Variants in C1GALT1 observed in about 807,000 individuals in gnomAD.
C1GALT1 encodes the protein glycoprotein-N-acetylgalactosamine 3-beta-galactosyltransferase 1.
In C1GALT1, 11 loss-of-function variants were observed where a neutral mutation model predicts 31.0. The ratio of observed to expected loss-of-function variants is 0.36; its 90% confidence interval spans 0.22 to 0.59. The LOEUF is 0.59. C1GALT1 is among the 20% of genes least tolerant of loss of function. The pLI, the probability that C1GALT1 is intolerant of heterozygous loss-of-function variation, is 0.79. For missense variants in C1GALT1, 424 were observed against 425.2 expected (o/e 1.00, Z 0.03); for synonymous variants, 175 against 143.6 (o/e 1.22, Z -1.56).
chr7:7,244,339 A>T lies in C1GALT1; in HGVS notation c.*612A>T, dbSNP rs1292371189. The T allele has an allele frequency of 6.6e-5, 10 of 152,202 alleles. No homozygotes were observed. In the East Asian group the frequency reaches 1.9e-3, roughly 29 times the overall value. 9.4% of individuals were successfully genotyped at this position (152,202 alleles called of 1,614,324 possible). On this transcript the variant is annotated 3_prime_UTR_variant, in exon 4 of 4. Coordinates refer to ENST00000436587, the MANE Select transcript of C1GALT1 (RefSeq NM_020156.5). ...CCCTGAAGTGCATTAATAAAACCAC[A>T]CTTTAAAATTATCATGGGCCTTGAC...
intron 2 of C1GALT1, among the ~76,000 whole-genome samples, chr7:7,157,979 G>C (rs1780291809): frequency 6.6e-6 from 1 of 152,150 alleles, no homozygotes; most frequent in Non-Finnish European, 1.5e-5. Flanking sequence ...TTAATGTTCA[G>C]ATAACTTGCT....
intron 1 of C1GALT1, among the ~76,000 whole-genome samples, chr7:7,185,258 A>G (rs1388164773): frequency 6.6e-6 from 1 of 152,132 alleles, no homozygotes; most frequent in African/African-American, 2.4e-5. Context: ...TATTAGGGAG[A>G]TTCTGGAATG....
chr7:7,204,098 T>TG (rs201987112), intron 1 of C1GALT1, among the ~76,000 whole-genome samples: 1 of 48,430 alleles, frequency 2.1e-5, no homozygotes, highest in Non-Finnish European at 3.9e-5. Context: ...TCCTCTTCTG[T>TG]TTTTTTTTTT....
intron 1 of C1GALT1, among the ~76,000 whole-genome samples, chr7:7,224,974 G>A (rs1294612609): frequency 1.3e-5 from 2 of 152,088 alleles, no homozygotes; most frequent in African/African-American, 4.8e-5. Flanking sequence ...CCTCCCTCCA[G>A]TCTTAGGTAG....
chr7:7,225,853 T>C (rs566186740), intron 1 of C1GALT1, among the ~76,000 whole-genome samples: 2 of 152,172 alleles, frequency 1.3e-5, no homozygotes, highest in Non-Finnish European at 2.9e-5. Flanking sequence ...CATAACCTTT[T>C]AAGTATTCCA....
chr7:7,228,547 CTGAG>C (rs1184269079), intron 1 of C1GALT1, among the ~76,000 whole-genome samples: 1 of 151,964 alleles, frequency 6.6e-6, no homozygotes, highest in Non-Finnish European at 1.5e-5. Flanking sequence ...TGCCAAAAAT[CTGAG>C]TGAGCTTTGG....
At position 7,243,898 on chromosome 7, in the gene C1GALT1, G is replaced by A. The variant is rs1783741706; in HGVS notation, c.*171G>A. 2.0e-6 allele frequency: 1 copy of A among 503,560 alleles called. No homozygotes were observed. The highest frequency in any genetic ancestry group is 2.0e-5 in the African/African-American group (1 of 50,984). 31.2% of individuals were successfully genotyped at this position (503,560 alleles called of 1,614,324 possible). A position where few individuals can be genotyped will look rare whatever the true frequency, so the allele number is the denominator to read the frequency against. Reference sequence around the variant, plus strand: ...ACTGAAGCTTTAAATGAGCTGTGAAGTGTGTTAAAATGTGTTTTGATACAG... The same window carrying A: ...ACTGAAGCTTTAAATGAGCTGTGAAATGTGTTAAAATGTGTTTTGATACAG... On this transcript the variant is annotated 3_prime_UTR_variant, in exon 4 of 4. Coordinates refer to ENST00000436587, the MANE Select transcript of C1GALT1 (RefSeq NM_020156.5).
At chr7:7,175,787 G>C (rs1330061501) in intron 2 of C1GALT1, among the ~76,000 whole-genome samples, 1 of 151,914 alleles carries the variant, frequency 6.6e-6, no homozygotes, top group Non-Finnish European at 1.5e-5. Context: ...CATTCTGGCT[G>C]ACTTGGTTTC....
chr7:7,214,733 C>G (rs1473920809), intron 1 of C1GALT1, among the ~76,000 whole-genome samples: 1 of 152,196 alleles, frequency 6.6e-6, no homozygotes, highest in Non-Finnish European at 1.5e-5. Flanking sequence ...TGTCCTTGCC[C>G]ATCCCAGGGG....
chr7:7,201,411 CCTACTGGGAGGTGTCTCCCAGTTAGG>C (rs772808122), intron 1 of C1GALT1, among the ~76,000 whole-genome samples: 13 of 152,178 alleles, frequency 8.5e-5, no homozygotes, highest in Non-Finnish European at 1.6e-4. Context: ...CCAGTCGGCC[CCTACTGGGAGGTGTCTCCCAGTTAGG>C]CTACTGGGAG....
At chr7:7,161,601 C>G (rs1394098926) in intron 2 of C1GALT1, among the ~76,000 whole-genome samples, 1 of 152,048 alleles carries the variant, frequency 6.6e-6, no homozygotes, top group African/African-American at 2.4e-5. Context: ...ACCAGCACAA[C>G]CACTAGAAAA....
chr7:7,219,031 G>T (rs1244977133), intron 1 of C1GALT1, among the ~76,000 whole-genome samples: 2 of 151,886 alleles, frequency 1.3e-5, no homozygotes, highest in South Asian at 2.1e-4. Context: ...CAGAGACAGG[G>T]TTTCACCATG....
rs908276104 is a variant in C1GALT1 at position 7,247,717 on chromosome 7, G to A, written c.*3990G>A. The A allele has an allele frequency of 3.3e-5, 5 of 151,940 alleles. No individual in the cohort carries two copies. Among genetic ancestry groups the A allele is most frequent in the African/African-American group, 1.2e-4 (5 of 41,414 alleles). The allele number at this position is 151,940 out of a possible 1,614,324, so 9.4% of individuals were successfully genotyped here. A position where few individuals can be genotyped will look rare whatever the true frequency, so the allele number is the denominator to read the frequency against. On this transcript the variant is annotated 3_prime_UTR_variant, in exon 4 of 4. Transcript: ENST00000436587. The stretch of plus-strand genomic sequence containing the variant: ...AATTCTTTGACAGTTTCTGCCTGGT[G>A]TTTATTGCCCTTCTTTGTTTGCTTT...
At chr7:7,168,751 A>G (rs1328408736) in intron 2 of C1GALT1, among the ~76,000 whole-genome samples, 2 of 152,264 alleles carry the variant, frequency 1.3e-5, no homozygotes, top group Non-Finnish European at 2.9e-5. Flanking sequence ...ACAAATAATT[A>G]AAGTCTCTAA....
At chr7:7,160,339 C>T (rs554600056) in intron 2 of C1GALT1, among the ~76,000 whole-genome samples, 1 of 152,222 alleles carries the variant, frequency 6.6e-6, no homozygotes, top group East Asian at 1.9e-4. Flanking sequence ...ACCTCCAACC[C>T]CTAATCCCTG....
At chr7:7,201,044 C>T (rs756874456) in intron 1 of C1GALT1, among the ~76,000 whole-genome samples, 4 of 152,200 alleles carry the variant, frequency 2.6e-5, no homozygotes, top group African/African-American at 7.2e-5. Flanking sequence ...CTGTTGCTGG[C>T]GAGGAGCTGC....
chr7:7,167,766 C>A (rs898884791), intron 2 of C1GALT1, among the ~76,000 whole-genome samples: 1 of 152,074 alleles, frequency 6.6e-6, no homozygotes, highest in Non-Finnish European at 1.5e-5. Flanking sequence ...GCGCCCAGTC[C>A]CTTATTCTCC....
chr7:7,182,359 C>T (rs895044068), upstream of C1GALT1, among the ~76,000 whole-genome samples: 9 of 152,324 alleles, frequency 5.9e-5, no homozygotes, highest in Admixed American at 2.6e-4. Context: ...CAGACACAAG[C>T]CGCAAGGGGG....
intron 2 of C1GALT1, among the ~76,000 whole-genome samples, chr7:7,235,866 C>G (rs1227331661): frequency 1.3e-5 from 2 of 152,198 alleles, no homozygotes; most frequent in African/African-American, 4.8e-5. Context: ...TCAGTACATT[C>G]TAACAGTGCT....
Sources: gnomAD v4.1 joint callset for allele counts (sites outside exome capture counted in the v4.1 genomes callset) on GRCh38, gnomAD v4.1.1 for gene constraint, MANE v1.5 for transcripts, NCBI Gene and HGNC (gene_info 2026-07-23, HGNC 2026-07-21) for gene names.